PDE4D: variants seen among roughly 807,000 people sequenced by gnomAD.
PDE4D encodes 3',5'-cyclic-AMP phosphodiesterase 4D.
In PDE4D, 24 loss-of-function variants were observed where a neutral mutation model predicts 87.4. That is an observed-to-expected ratio of 0.27 (90% CI 0.20 to 0.39). The LOEUF is 0.39. Ranked by LOEUF, PDE4D falls within the 10% of genes least tolerant of loss-of-function variation. PDE4D has a pLI of 1.00. For synonymous variants in PDE4D, 384 were observed against 383.2 expected (o/e 1.00, Z -0.02); for missense variants, 714 against 1,041.0 (o/e 0.69, Z 4.32).
chr5:59,367,915 T>C (rs1168609704), intron 1 of PDE4D, among the ~76,000 whole-genome samples: 1 of 152,226 alleles, frequency 6.6e-6, no homozygotes, highest in East Asian at 1.9e-4. Context: ...TGTAAAGAAA[T>C]CCACTTCGTG....
intron 1 of PDE4D, among the ~76,000 whole-genome samples, chr5:59,366,103 C>A (rs745489684): frequency 7.9e-5 from 12 of 152,004 alleles, no homozygotes; most frequent in Non-Finnish European, 1.5e-4. Flanking sequence ...ACAGTGAACA[C>A]CTGTGTATCT....
At chr5:59,399,683 A>G (rs868825216) in intron 1 of PDE4D, among the ~76,000 whole-genome samples, 4,242 of 129,512 alleles carry the variant, frequency 0.033, 179 homozygotes, top group African/African-American at 0.11. Flanking sequence ...CAAGGACTTC[A>G]CGTCTAAAAC....
intron 1 of PDE4D, among the ~76,000 whole-genome samples, chr5:59,244,384 C>T (rs255557): frequency 0.22 from 32,885 of 151,002 alleles, 3,834 homozygotes; most frequent in Non-Finnish European, 0.26. Flanking sequence ...GGCGATAGGG[C>T]GACTTCATCT....
intron 1 of PDE4D, among the ~76,000 whole-genome samples, chr5:60,434,620 A>G (rs1442410137): frequency 6.6e-6 from 1 of 152,182 alleles, no homozygotes; most frequent in Non-Finnish European, 1.5e-5. Context: ...CTTGTTAAAT[A>G]CAATTTGTAA....
intron 1 of PDE4D, among the ~76,000 whole-genome samples, chr5:60,443,248 G>A (rs745363587): frequency 6.6e-6 from 1 of 152,128 alleles, no homozygotes; most frequent in Non-Finnish European, 1.5e-5. Flanking sequence ...AGTGTATGAA[G>A]AAAAGGTGTA....
chr5:59,820,989 T>C (rs910523134), intron 1 of PDE4D, among the ~76,000 whole-genome samples: 3 of 152,142 alleles, frequency 2.0e-5, no homozygotes, highest in African/African-American at 4.8e-5. Flanking sequence ...CCCAGCACTT[T>C]GGGAGGCCGA....
chr5:59,120,926 T>C (rs894914272), intron 5 of PDE4D, among the ~76,000 whole-genome samples: 2 of 152,158 alleles, frequency 1.3e-5, no homozygotes, highest in African/African-American at 4.8e-5. Context: ...GATAGATACA[T>C]TTGATTTTCT....
intron 2 of PDE4D, among the ~76,000 whole-genome samples, chr5:60,106,682 C>T (rs568375908): frequency 0.028 from 4,194 of 152,014 alleles, 183 homozygotes; most frequent in African/African-American, 0.097. Flanking sequence ...TGCAATCAAA[C>T]TGGAACTCAG....
At chr5:60,277,129 A>G (rs1751456337) in intron 1 of PDE4D, among the ~76,000 whole-genome samples, 2 of 151,974 alleles carry the variant, frequency 1.3e-5, no homozygotes, top group African/African-American at 2.4e-5. Context: ...ATACATATAC[A>G]TAATAAAATG....
At chr5:59,744,638 A>T (rs985032649) in intron 1 of PDE4D, among the ~76,000 whole-genome samples, 2 of 152,160 alleles carry the variant, frequency 1.3e-5, no homozygotes, top group Non-Finnish European at 2.9e-5. Context: ...GACAGATCAA[A>T]GCATGTGTCA....
chr5:60,028,375 T>C (rs1766869153), intron 2 of PDE4D, among the ~76,000 whole-genome samples: 1 of 152,176 alleles, frequency 6.6e-6, no homozygotes, highest in Admixed American at 6.5e-5. Flanking sequence ...TCAACACACA[T>C]CTGTATAAAA....
At chr5:59,561,666 A>G (rs1820011255) in intron 1 of PDE4D, among the ~76,000 whole-genome samples, 7 of 152,184 alleles carry the variant, frequency 4.6e-5, no homozygotes. Flanking sequence ...ATGGTGGCTC[A>G]CGCCTGTAAT....
intron 2 of PDE4D, among the ~76,000 whole-genome samples, chr5:60,120,312 G>A (rs1778562267): frequency 6.6e-6 from 1 of 152,128 alleles, no homozygotes; most frequent in Non-Finnish European, 1.5e-5. Flanking sequence ...CTCCAGATAG[G>A]AGTTAGTTGC....
chr5:59,363,710 T>C lies in PDE4D; in HGVS notation c.456-147742A>G, dbSNP rs192861187. On this transcript the variant is annotated intron_variant, in intron 1 of 14. Coordinates refer to ENST00000340635, the MANE Select transcript of PDE4D (RefSeq NM_001104631.2). ...CCACAGAGGTAATATATGACAGACA[T>C]GTGAGTCCAAGTCAGTTTTGCTTAT... is the stretch of plus-strand genomic sequence containing the variant. 2.1e-3 allele frequency among the ~76,000 whole-genome samples: 320 copies of C among 152,290 alleles called. 1 individual carries two copies. The highest frequency in any genetic ancestry group is 0.01 in the Middle Eastern group (3 of 294).
chr5:59,359,694 G>T (rs1275078031), intron 1 of PDE4D, among the ~76,000 whole-genome samples: 2 of 152,076 alleles, frequency 1.3e-5, no homozygotes, highest in Non-Finnish European at 2.9e-5. Flanking sequence ...TACTTCATGG[G>T]TATCAAAGAG....
intron 1 of PDE4D, among the ~76,000 whole-genome samples, chr5:59,501,567 A>G (rs1202242106): frequency 1.3e-5 from 2 of 152,206 alleles, no homozygotes; most frequent in Non-Finnish European, 2.9e-5. Context: ...GAGGCAGAAG[A>G]AAGAGGCAGC....
intron 2 of PDE4D, among the ~76,000 whole-genome samples, chr5:60,093,075 A>G (rs1775303442): frequency 2.0e-5 from 3 of 152,214 alleles, no homozygotes; most frequent in African/African-American, 7.2e-5. Context: ...TTGTGAGGTA[A>G]GTGTGTAAAT....
rs547211589 is a variant in PDE4D, at chr5:59,499,055, A to C, written c.456-283087T>G. On this transcript the variant is annotated intron_variant, in intron 1 of 14. Transcript: ENST00000340635. Reference sequence around the variant, plus strand: ...TCTTAATACATTTCAAAAAATCAGAATCATACCAAGCATCTTCTCAGACCA... The same window carrying C: ...TCTTAATACATTTCAAAAAATCAGACTCATACCAAGCATCTTCTCAGACCA... Among the ~76,000 whole-genome samples, 5 of 152,250 alleles carry C rather than the reference A, an allele frequency of 3.3e-5. No individual in the cohort carries two copies. In the South Asian group the frequency reaches 1.0e-3, roughly 32 times the overall value.
intron 3 of PDE4D, among the ~76,000 whole-genome samples, chr5:59,961,551 G>A (rs1759474363): frequency 6.6e-6 from 1 of 152,020 alleles, no homozygotes; most frequent in Non-Finnish European, 1.5e-5. Context: ...CCCATTTGTG[G>A]TCATTTATAT....
Sources: allele counts gnomAD v4.1 joint callset (sites outside exome capture counted in the v4.1 genomes callset), GRCh38; gene constraint gnomAD v4.1.1; transcripts MANE v1.5; gene names NCBI Gene and HGNC (gene_info 2026-07-23, HGNC 2026-07-21).